PLXNA4: variants seen among roughly 807,000 people sequenced by gnomAD.
PLXNA4 encodes the protein plexin-A4.
In PLXNA4, 44 loss-of-function variants were observed where a neutral mutation model predicts 191.8. The observed-to-expected ratio is 0.23, with a 90% CI of 0.18 to 0.29. PLXNA4 has a LOEUF of 0.29. Ranked by LOEUF, PLXNA4 falls within the 10% of genes least tolerant of loss-of-function variation. The pLI, the probability that PLXNA4 is intolerant of heterozygous loss-of-function variation, is 1.00. For missense variants in PLXNA4, 1,800 were observed against 2,488.8 expected, an observed-to-expected ratio of 0.72 and a Z score of 5.89; for synonymous variants, 1,082 against 1,009.5, an observed-to-expected ratio of 1.07 and a Z score of -1.36.
At chr7:132,365,360 T>TGTGTGTGTGTGTGTGTGTGCGCGC in intron 3 of PLXNA4, among the ~76,000 whole-genome samples, 1 of 128,742 alleles carries the variant, frequency 7.8e-6, no homozygotes, top group Non-Finnish European at 1.7e-5. Context: ...TGTGTGTGTG[T>TGTGTGTGTGTGTGTGTGTGCGCGC]GCGTGCGCGC....
rs1416566913 is a variant in PLXNA4, at chr7:132,145,295, A to G, written c.5056-7T>C. ...CAAACTTCTGCAGTGTGCCCTGGAGAGGCAGGATACGTCCAGACACAGCTC... is the reference window on the plus strand; with the variant it reads ...CAAACTTCTGCAGTGTGCCCTGGAGGGGCAGGATACGTCCAGACACAGCTC... On this transcript the variant is annotated splice_region_variant and splice_polypyrimidine_tract_variant and intron_variant, in intron 28 of 31. Transcript: ENST00000321063. 2.5e-6 allele frequency: 4 copies of G among 1,613,988 alleles called. No individual in the cohort carries two copies. The South Asian group carries it at 4.4e-5, about 18-fold the overall frequency.
At chr7:132,337,100 G>A (rs1272688351) in intron 3 of PLXNA4, among the ~76,000 whole-genome samples, 2 of 152,190 alleles carry the variant, frequency 1.3e-5, no homozygotes, top group African/African-American at 2.4e-5. Flanking sequence ...GCATAAAAGC[G>A]GTGGCAATGT....
chr7:132,506,988 C>A (rs1798489498), intron 2 of PLXNA4, among the ~76,000 whole-genome samples: 2 of 152,214 alleles, frequency 1.3e-5, no homozygotes, highest in Non-Finnish European at 1.5e-5. Flanking sequence ...TAAAGACATA[C>A]AAAGGGCTAA....
At chr7:132,130,702 G>T in intron 31 of PLXNA4, 128 bp from the exon 32 acceptor site, 2 of 1,367,666 alleles carry the variant, frequency 1.5e-6, no homozygotes, top group East Asian at 2.4e-5. Flanking sequence ...GGGGCACACA[G>T]GACACTGCGG....
chr7:132,389,278 A>G (rs1000391726), intron 3 of PLXNA4, among the ~76,000 whole-genome samples: 1 of 152,002 alleles, frequency 6.6e-6, no homozygotes, highest in African/African-American at 2.4e-5. Context: ...ATCAGATCCT[A>G]TTTGTTGTCT....
chr7:132,559,112 A>T (rs1322530742), intron 1 of PLXNA4, among the ~76,000 whole-genome samples: 4 of 152,186 alleles, frequency 2.6e-5, no homozygotes, highest in African/African-American at 7.2e-5. Flanking sequence ...TAGTAAGGAA[A>T]CAATGTGCCA....
chr7:132,158,455 C>G (rs1238149658), intron 25 of PLXNA4, among the ~76,000 whole-genome samples: 1 of 152,136 alleles, frequency 6.6e-6, no homozygotes, highest in African/African-American at 2.4e-5. Flanking sequence ...AATGCTTCTC[C>G]CTCCATGGCC....
In PLXNA4 at chr7:132,562,985, TCTCCTC is replaced by T. The variant is rs372238259; in HGVS notation, c.-87+13431_-87+13436del. Among the ~76,000 whole-genome samples, 46 of 7,590 alleles carry T rather than the reference TCTCCTC, an allele frequency of 6.1e-3. 1 individual carries two copies. Among genetic ancestry groups the T allele is most frequent in the African/African-American group, 0.017 (43 of 2,542 alleles). 5.0% of individuals were successfully genotyped at this position (7,590 alleles called of 152,430 possible). On this transcript the variant is annotated intron_variant, in intron 1 of 31. Transcript: ENST00000321063. ...TCCTCCTCCTCTCCCTCCTCCTCCT[TCTCCTC>T]CTCCTCCTCCTTCTCCTCCTCTTTC...
intron 29 of PLXNA4, among the ~76,000 whole-genome samples, chr7:132,143,223 T>C (rs1795320189): frequency 6.6e-6 from 1 of 152,166 alleles, no homozygotes; most frequent in Non-Finnish European, 1.5e-5. Flanking sequence ...AGACTGTGTC[T>C]TCCTCAGCAT....
At chr7:132,433,499 G>A (rs1010417795) in intron 3 of PLXNA4, among the ~76,000 whole-genome samples, 6 of 152,184 alleles carry the variant, frequency 3.9e-5, no homozygotes, top group African/African-American at 9.7e-5. Flanking sequence ...AAGATAGGGC[G>A]TCTTTCTGAG....
chr7:132,368,588 A>G (rs531033501), intron 3 of PLXNA4, among the ~76,000 whole-genome samples: 18 of 152,290 alleles, frequency 1.2e-4, no homozygotes, highest in Admixed American at 2.0e-4. Context: ...TGGGGCCCTC[A>G]GCTGCCTGCG....
chr7:132,409,676 T>G (rs1794370706), intron 3 of PLXNA4, among the ~76,000 whole-genome samples: 1 of 152,234 alleles, frequency 6.6e-6, no homozygotes. Context: ...TCCCCTGGAC[T>G]TTGGCCATCT....
At chr7:132,312,677 G>A (rs191844366) in intron 3 of PLXNA4, among the ~76,000 whole-genome samples, 20 of 152,266 alleles carry the variant, frequency 1.3e-4, no homozygotes, top group Admixed American at 1.0e-3. Context: ...GGGCTTCTAC[G>A]CAGCTCTGCC....
At chr7:132,303,948 C>G (rs1049177405) in intron 3 of PLXNA4, among the ~76,000 whole-genome samples, 3 of 152,166 alleles carry the variant, frequency 2.0e-5, no homozygotes, top group Non-Finnish European at 4.4e-5. Flanking sequence ...CCAGGCGAGG[C>G]TAGTGGGCAG....
At chr7:132,453,128 G>T (rs1043040563) in intron 3 of PLXNA4, among the ~76,000 whole-genome samples, 4 of 151,990 alleles carry the variant, frequency 2.6e-5, no homozygotes, top group Admixed American at 6.5e-5. Context: ...GAAGGATAAG[G>T]GCCAAAAAAA....
intron 28 of PLXNA4, among the ~76,000 whole-genome samples, chr7:132,145,799 G>T (rs893685495): frequency 3.3e-5 from 5 of 151,820 alleles, no homozygotes; most frequent in African/African-American, 7.3e-5. Context: ...GGCCAGACAC[G>T]GTGGCTCATG....
chr7:132,619,916 T>C (rs1408758020), intron 2 of PLXNA4, among the ~76,000 whole-genome samples: 1 of 152,222 alleles, frequency 6.6e-6, no homozygotes, highest in African/African-American at 2.4e-5. Context: ...TTCTCCTGCC[T>C]CAGCCTCCTG....
chr7:132,531,444 C>A (rs1036603778), intron 1 of PLXNA4, among the ~76,000 whole-genome samples: 2 of 152,106 alleles, frequency 1.3e-5, no homozygotes, highest in Non-Finnish European at 2.9e-5. Flanking sequence ...TTATTATGAT[C>A]TTTATTTTAT....
chr7:132,448,838 T>C (rs917988594), intron 3 of PLXNA4, among the ~76,000 whole-genome samples: 2 of 152,236 alleles, frequency 1.3e-5, no homozygotes, highest in Non-Finnish European at 2.9e-5. Flanking sequence ...ATAGCCCAGT[T>C]CTAGTTGTCT....
Sources: allele counts gnomAD v4.1 joint callset (sites outside exome capture counted in the v4.1 genomes callset), GRCh38; gene constraint gnomAD v4.1.1; transcripts MANE v1.5; gene names NCBI Gene and HGNC (gene_info 2026-07-23, HGNC 2026-07-21).